CD109: variants seen among roughly 807,000 people sequenced by gnomAD.
CD109 encodes CD109 antigen.
Under a neutral mutation model 165.8 loss-of-function variants are expected in CD109, and 149 were observed. That is an observed-to-expected ratio of 0.90 (90% CI 0.79 to 1.03). CD109 has a LOEUF of 1.03. Among genes scored for constraint, CD109 ranks in the 50% least tolerant of loss-of-function variants. CD109 has a pLI of 0.00. For synonymous variants in CD109, 585 were observed against 592.1 expected (o/e 0.99, Z 0.18); for missense variants, 1,712 against 1,677.8 (o/e 1.02, Z -0.36).
At chr6:73,769,090 A>C (rs1215601962) in intron 14 of CD109, among the ~76,000 whole-genome samples, 1 of 152,084 alleles carries the variant, frequency 6.6e-6, no homozygotes, top group Non-Finnish European at 1.5e-5. Context: ...GGGTTTTGCC[A>C]TGTTGCTCAG....
Position 73,812,239 on chromosome 6 carries a change from C to G in CD109, c.3737C>G (p.Ser1246Cys). The change falls in exon 29 of 33, where the codon TCC (serine) becomes TGC (cysteine). Residue 1246 changes from serine to cysteine, a missense_variant. By Grantham distance (112) the Ser-to-Cys change is moderately radical (BLOSUM62 -1). Transcript: ENST00000287097. ...AVVQPTAVNI[S>C]ANGFGFAICQ... ...GTACAGCCAACGGCAGTTAATATTTCCGCAAATGGTTTTGGATTTGCTATT... is the reference window on the plus strand; with the variant it reads ...GTACAGCCAACGGCAGTTAATATTTGCGCAAATGGTTTTGGATTTGCTATT... 1 of 1,609,940 alleles carries G rather than the reference C, an allele frequency of 6.2e-7. No homozygotes were observed. Among genetic ancestry groups the G allele is most frequent in the Non-Finnish European group, 8.5e-7 (1 of 1,177,598 alleles).
At chr6:73,752,490 C>T (rs771920555) in intron 5 of CD109, among the ~76,000 whole-genome samples, 12 of 152,192 alleles carry the variant, frequency 7.9e-5, no homozygotes, top group Non-Finnish European at 1.0e-4. Flanking sequence ...ATTATTGACT[C>T]AGGGACAAGA....
chr6:73,712,174 A>G (rs1359470955), intron 2 of CD109, among the ~76,000 whole-genome samples: 1 of 151,554 alleles, frequency 6.6e-6, no homozygotes, highest in African/African-American at 2.4e-5. Flanking sequence ...ATGCCACTGC[A>G]CTCCAGCCTG....
At chr6:73,802,368 T>C (rs1310342044) in intron 23 of CD109, among the ~76,000 whole-genome samples, 2 of 147,366 alleles carry the variant, frequency 1.4e-5, no homozygotes, top group Non-Finnish European at 3.0e-5. Context: ...GGCAAGTTGG[T>C]TTTTTGGTTT....
intron 27 of CD109, among the ~76,000 whole-genome samples, chr6:73,810,581 C>G (rs1775717635): frequency 6.6e-6 from 1 of 151,764 alleles, no homozygotes; most frequent in African/African-American, 2.4e-5. Context: ...TTTTAATTTA[C>G]TGATAATATG....
In CD109 at chr6:73,706,849, A is replaced by G. The variant is rs190176263; in HGVS notation, c.247+9277A>G. 3.3e-5 allele frequency among the ~76,000 whole-genome samples: 5 copies of G among 152,342 alleles called. No homozygotes were observed. In the South Asian group the frequency reaches 8.3e-4, roughly 25 times the overall value. On this transcript the variant is annotated intron_variant, in intron 2 of 32. Transcript: ENST00000287097. ...TGGCAGGGCTGTGTTAGGAATTTAC[A>G]TTTATGAAAATATAGCTGGCAGAAA...
chr6:73,755,389 T>C (rs1325776145), intron 5 of CD109, among the ~76,000 whole-genome samples: 1 of 152,180 alleles, frequency 6.6e-6, no homozygotes, highest in African/African-American at 2.4e-5. Flanking sequence ...TGATACACAA[T>C]TTATTTGTTA....
chr6:73,745,479 TGGA>T (rs1441629430), intron 5 of CD109, among the ~76,000 whole-genome samples: 1 of 152,164 alleles, frequency 6.6e-6, no homozygotes, highest in Non-Finnish European at 1.5e-5. Flanking sequence ...TATGCATTGG[TGGA>T]GAAGATACCT....
chr6:73,734,661 G>C (rs571298490), intron 4 of CD109, among the ~76,000 whole-genome samples: 1 of 152,220 alleles, frequency 6.6e-6, no homozygotes, highest in South Asian at 2.1e-4. Flanking sequence ...TTCACAATTG[G>C]TTTCTGGCTT....
In CD109 at chr6:73,766,814, C is replaced by G. The variant is rs767968564; in HGVS notation, c.1388C>G (p.Pro463Arg). The change falls in exon 12 of 33, where the codon CCT becomes CGT. Residue 463 changes from proline (P) to arginine (R), a missense_variant. By Grantham distance (103) the Pro-to-Arg change is moderately radical. Coordinates refer to ENST00000287097, the MANE Select transcript of CD109 (RefSeq NM_133493.5). ...SMAVHSLFKS[P>R]SKTYIQLKTR... ...GCAGTTCATAGTCTGTTTAAGTCTCCTAGTAAGACATACATCCAACTAAAA... is the reference window on the plus strand; with the variant it reads ...GCAGTTCATAGTCTGTTTAAGTCTCGTAGTAAGACATACATCCAACTAAAA... 2.2e-5 allele frequency: 36 copies of G among 1,612,986 alleles called. No homozygotes were observed. The highest frequency in any genetic ancestry group is 2.2e-5 in the Non-Finnish European group (26 of 1,179,404).
intron 22 of CD109, among the ~76,000 whole-genome samples, chr6:73,791,189 A>ACG (rs1562071090): frequency 7.8e-5 from 1 of 12,752 alleles, no homozygotes; most frequent in Admixed American, 1.2e-3. Context: ...ACACACACAC[A>ACG]TACATATATA....
rs1053973202 is a variant in CD109, at chr6:73,787,085, C to T, written c.2338-149C>T. 1.1e-4 allele frequency: 68 copies of T among 595,622 alleles called. 4 individuals are homozygous for T. The highest frequency in any genetic ancestry group is 4.3e-4 in the South Asian group (20 of 46,108). 36.9% of individuals were successfully genotyped at this position (595,622 alleles called of 1,614,324 possible). A position where few individuals can be genotyped will look rare whatever the true frequency, so the allele number is the denominator to read the frequency against. ...AAGAAATGAAGTTTTTCCTGATACT[C>T]TTTGATACTCTCCTTGGTCGAATCT... On this transcript the variant is annotated intron_variant, in intron 20 of 32. Coordinates refer to ENST00000287097, the MANE Select transcript of CD109 (RefSeq NM_133493.5).
upstream of CD109, among the ~76,000 whole-genome samples, chr6:73,692,065 T>C (rs1351640658): frequency 2.6e-5 from 4 of 152,038 alleles, no homozygotes; most frequent in African/African-American, 9.7e-5. Context: ...CCACATACTT[T>C]TAAACAACCA....
Position 73,787,379 on chromosome 6 carries a change from G to A in CD109, c.2483G>A (p.Gly828Glu), listed in dbSNP as rs35466124. Residue 828 changes from glycine (G) to glutamate (E), a missense_variant, in exon 21 of 33, where the codon GGA (glycine) becomes GAA (glutamate). Gly to Glu is a moderately conservative substitution (Grantham distance 98). Transcript: ENST00000287097. ...VLFPIRPTHL[G>E]EIPITVTALS... The stretch of plus-strand genomic sequence containing the variant: ...TTTCCCATCAGGCCAACACATCTGG[G>A]AGAAATTCCTATCACAGTCACAGCT... The A allele has an allele frequency of 0.022, 35,574 of 1,614,030 alleles. 632 individuals carry two copies. The highest frequency in any genetic ancestry group is 0.03 in the South Asian group (2,760 of 91,074).
At chr6:73,757,858 T>C (rs1379710620) in intron 6 of CD109, among the ~76,000 whole-genome samples, 4 of 152,238 alleles carry the variant, frequency 2.6e-5, no homozygotes, top group Non-Finnish European at 5.9e-5. Flanking sequence ...TCCCATTTTA[T>C]GTCTTTTAGA....
At chr6:73,790,745 G>A (rs950555891) in intron 22 of CD109, among the ~76,000 whole-genome samples, 4 of 152,136 alleles carry the variant, frequency 2.6e-5, no homozygotes, top group African/African-American at 4.8e-5. Context: ...TATTCAGGCT[G>A]TCAGTGGATT....
chr6:73,753,382 G>A (rs7742217), intron 5 of CD109, among the ~76,000 whole-genome samples: 43,564 of 152,022 alleles, frequency 0.29, 6,422 homozygotes, highest in Admixed American at 0.34. Flanking sequence ...AGTATCTTTT[G>A]TACTTGATTA....
At chr6:73,683,722 C>A in the CD109 span, among the ~76,000 whole-genome samples, 97 of 152,266 alleles carry the variant, frequency 6.4e-4, no homozygotes, top group African/African-American at 2.2e-3. Context: ...ACTTACAGTT[C>A]CATGTGGTTG....
intron 3 of CD109, among the ~76,000 whole-genome samples, chr6:73,728,128 C>T (rs899621787): frequency 6.6e-6 from 1 of 152,138 alleles, no homozygotes; most frequent in Non-Finnish European, 1.5e-5. Flanking sequence ...CGAAACCAGC[C>T]TGGCCAACAT....
Sources: allele counts gnomAD v4.1 joint callset (sites outside exome capture counted in the v4.1 genomes callset), GRCh38; gene constraint gnomAD v4.1.1; transcripts MANE v1.5; gene names NCBI Gene and HGNC (gene_info 2026-07-23, HGNC 2026-07-21).